Variants in HIVEP1 observed in about 807,000 individuals in gnomAD.
HIVEP1 encodes the protein HIVEP zinc finger 1.
HIVEP1 carries 36 observed loss-of-function variants against 180.0 expected under a neutral mutation model. That is an observed-to-expected ratio of 0.20 (90% CI 0.15 to 0.26). The LOEUF is 0.26. Among genes scored for constraint, HIVEP1 ranks in the 10% least tolerant of loss-of-function variants. The pLI, the probability that HIVEP1 is intolerant of heterozygous loss-of-function variation, is 1.00. For synonymous variants in HIVEP1, 1,239 were observed against 1,239.0 expected (o/e 1.00, Z 0.00); for missense variants, 3,143 against 3,268.7 (o/e 0.96, Z 0.94).
At chr6:12,138,471 G>T (rs1758819875) in intron 7 of HIVEP1, among the ~76,000 whole-genome samples, 2 of 152,228 alleles carry the variant, frequency 1.3e-5, no homozygotes, top group South Asian at 4.1e-4. Context: ...GAAGCCTGCA[G>T]CATGATGCTG....
intron 2 of HIVEP1, among the ~76,000 whole-genome samples, chr6:12,059,159 A>G (rs1771067547): frequency 6.6e-6 from 1 of 152,068 alleles, no homozygotes; most frequent in Non-Finnish European, 1.5e-5. Flanking sequence ...AGACCATCAC[A>G]TGTTTATAAC....
the HIVEP1 span, among the ~76,000 whole-genome samples, chr6:12,202,837 G>A: frequency 6.6e-6 from 1 of 152,166 alleles, no homozygotes; most frequent in East Asian, 1.9e-4. Flanking sequence ...CGTGTCAGAA[G>A]AGTTACAGTC....
the HIVEP1 span, among the ~76,000 whole-genome samples, chr6:12,173,617 C>T: frequency 1.4e-4 from 21 of 152,164 alleles, no homozygotes; most frequent in South Asian, 2.5e-3. Flanking sequence ...GAAATGCAGA[C>T]GTGAATAATT....
At chr6:12,155,026 GT>G (rs748072010) in intron 7 of HIVEP1, among the ~76,000 whole-genome samples, 5 of 151,692 alleles carry the variant, frequency 3.3e-5, no homozygotes, top group Non-Finnish European at 5.9e-5. Context: ...CTTGCTTTGA[GT>G]TTAGTTTGAT....
chr6:12,189,361 A>C, the HIVEP1 span, among the ~76,000 whole-genome samples: 2 of 152,110 alleles, frequency 1.3e-5, no homozygotes, highest in Non-Finnish European at 2.9e-5. Context: ...TTTTTTAAAA[A>C]TTGCATGGAT....
rs1431666154 is a variant in HIVEP1, at chr6:12,130,767, A to G, written c.6210A>G (p.Gly2070=). The G allele has an allele frequency of 1.9e-6, 3 of 1,562,104 alleles. No homozygotes were observed. The highest frequency in any genetic ancestry group is 2.2e-5 in the East Asian group (1 of 44,492). ...EPRRIKIFDG[G]YKSNEEYVYV... is the part of the protein sequence containing the mutation. ...TATTCATTTTTTTTCTTTAAATTAG[A>G]TATAAGTCAAATGAAGAGTATGTAT... Residue 2070 remains glycine, a splice_region_variant and synonymous_variant, in exon 6 of 9, where the codon GGA becomes GGG. Coordinates refer to ENST00000379388, the MANE Select transcript of HIVEP1 (RefSeq NM_002114.4).
rs375180152 is a variant in HIVEP1 at position 12,062,107 on chromosome 6, A to G, written c.41-27077A>G. Among the ~76,000 whole-genome samples, 4 of 152,176 alleles carry G rather than the reference A, an allele frequency of 2.6e-5. No individual in the cohort carries two copies. In the South Asian group the frequency reaches 8.3e-4, roughly 31 times the overall value. On this transcript the variant is annotated intron_variant, in intron 2 of 8. Coordinates refer to ENST00000379388, the MANE Select transcript of HIVEP1 (RefSeq NM_002114.4). Reference sequence around the variant, plus strand: ...AGTCAAATCTGTGAAATGAATGCCAAATCTTTTCTTTTTAAAAGTATAGTG... The same window carrying G: ...AGTCAAATCTGTGAAATGAATGCCAGATCTTTTCTTTTTAAAAGTATAGTG...
In HIVEP1 at chr6:12,051,001, CATATATATATATAT is replaced by C. The variant is rs1161977899; in HGVS notation, c.40+35350_40+35363del. Among the ~76,000 whole-genome samples, 457 of 77,632 alleles carry C rather than the reference CATATATATATATAT, an allele frequency of 5.9e-3. 9 individuals are homozygous for C. The highest frequency in any genetic ancestry group is 0.016 in the African/African-American group (361 of 23,038). The allele number at this position is 77,632 out of a possible 152,430, so 50.9% of individuals were successfully genotyped here. On this transcript the variant is annotated intron_variant, in intron 2 of 8. Coordinates refer to ENST00000379388, the MANE Select transcript of HIVEP1 (RefSeq NM_002114.4). ...CATGTGTGTAGCAGATACACAAGTG[CATATATATATATAT>C]ATATATATATATATATGTATATTAA... is the stretch of plus-strand genomic sequence containing the variant.
chr6:12,138,116 C>T (rs1488143674), intron 7 of HIVEP1, among the ~76,000 whole-genome samples: 1 of 152,130 alleles, frequency 6.6e-6, no homozygotes, highest in Non-Finnish European at 1.5e-5. Flanking sequence ...ATTCAACGTA[C>T]ATGTATATAT....
chr6:12,175,739 A>G, the HIVEP1 span, among the ~76,000 whole-genome samples: 1 of 152,222 alleles, frequency 6.6e-6, no homozygotes, highest in South Asian at 2.1e-4. Flanking sequence ...TCTTCTTTCT[A>G]AAAGTTCGAA....
intron 7 of HIVEP1, among the ~76,000 whole-genome samples, chr6:12,154,292 C>T (rs764553119): frequency 6.6e-6 from 1 of 152,178 alleles, no homozygotes; most frequent in Admixed American, 6.5e-5. Flanking sequence ...AAATCCTTAC[C>T]TTTACTCCTG....
At chr6:12,115,858 C>G (rs1202633850) in intron 3 of HIVEP1, among the ~76,000 whole-genome samples, 2 of 151,604 alleles carry the variant, frequency 1.3e-5, no homozygotes, top group East Asian at 3.9e-4. Context: ...GCGGGGGGTG[C>G]TGGTTGGTGG....
At chr6:12,185,198 T>G in the HIVEP1 span, among the ~76,000 whole-genome samples, 8 of 152,212 alleles carry the variant, frequency 5.3e-5, no homozygotes, top group Non-Finnish European at 7.3e-5. Context: ...CACCTTGCCT[T>G]TAGCTTTCTG....
Position 12,122,033 on chromosome 6 carries a change from G to A in HIVEP1, c.2238G>A (p.Glu746=), listed in dbSNP as rs1581726915. 1 of 1,614,160 alleles carries A rather than the reference G, an allele frequency of 6.2e-7. No homozygotes were observed. The highest frequency in any genetic ancestry group is 1.1e-5 in the South Asian group (1 of 91,078). ...RPPLATKTLE[E]RISKLISDNE... The stretch of plus-strand genomic sequence containing the variant: ...CTTTGGCCACAAAAACACTTGAGGA[G>A]CGGATATCGAAGCTTATCTCAGACA... The change falls in exon 4 of 9, where the codon GAG becomes GAA. Residue 746 remains glutamate, a synonymous_variant. Coordinates refer to ENST00000379388, the MANE Select transcript of HIVEP1 (RefSeq NM_002114.4).
At chr6:12,086,830 A>G (rs1773151113) in intron 2 of HIVEP1, among the ~76,000 whole-genome samples, 1 of 152,146 alleles carries the variant, frequency 6.6e-6, no homozygotes, top group Admixed American at 6.6e-5. Context: ...GTGAAAAAAT[A>G]TAAATAACGC....
At chr6:12,205,030 T>C in the HIVEP1 span, among the ~76,000 whole-genome samples, 6 of 151,926 alleles carry the variant, frequency 3.9e-5, no homozygotes, top group Non-Finnish European at 7.4e-5. Context: ...GTGTTCGGGA[T>C]TGTGTTTTGG....
chr6:12,033,055 T>C (rs979554837), intron 2 of HIVEP1, among the ~76,000 whole-genome samples: 1 of 152,238 alleles, frequency 6.6e-6, no homozygotes, highest in Non-Finnish European at 1.5e-5. Flanking sequence ...GTTTGTCTTA[T>C]GATTTTTCGA....
At chr6:12,071,052 A>G (rs572425451) in intron 2 of HIVEP1, among the ~76,000 whole-genome samples, 2 of 152,322 alleles carry the variant, frequency 1.3e-5, no homozygotes, top group Admixed American at 6.5e-5. Flanking sequence ...ATCAGTCTAT[A>G]GTGTTCTGTT....
At chr6:12,193,424 C>T in the HIVEP1 span, among the ~76,000 whole-genome samples, 2 of 152,170 alleles carry the variant, frequency 1.3e-5, no homozygotes, top group Non-Finnish European at 2.9e-5. Context: ...ACACTACTGA[C>T]TCATATTGTC....
Sources: gnomAD v4.1 joint callset for allele counts (sites outside exome capture counted in the v4.1 genomes callset) on GRCh38, gnomAD v4.1.1 for gene constraint, MANE v1.5 for transcripts, NCBI Gene and HGNC (gene_info 2026-07-23, HGNC 2026-07-21) for gene names.